Variants in PAFAH1B1 observed in about 807,000 individuals in gnomAD.
The protein encoded by PAFAH1B1 is platelet activating factor acetylhydrolase 1b regulatory subunit 1, also known as platelet-activating factor acetylhydrolase IB subunit beta.
A neutral mutation model predicts 57.5 loss-of-function variants in PAFAH1B1; 2 were observed. That is an observed-to-expected ratio of 0.03 (90% CI 0.01 to 0.11). The LOEUF is 0.11. Among genes scored for constraint, PAFAH1B1 ranks in the 10% least tolerant of loss-of-function variants. The pLI, the probability that PAFAH1B1 is intolerant of heterozygous loss-of-function variation, is 1.00. For missense variants in PAFAH1B1, 257 were observed against 512.0 expected (o/e 0.50, Z 4.81); for synonymous variants, 152 against 169.6 (o/e 0.90, Z 0.81).
chr17:2,659,502 A>C (rs942911650), intron 2 of PAFAH1B1: 2 of 157,522 alleles, frequency 1.3e-5, no homozygotes, highest in African/African-American at 5.5e-5. Flanking sequence ...GCCTGGCGAC[A>C]GAGTGAGACT....
intron 1 of PAFAH1B1, among the ~76,000 whole-genome samples, chr17:2,608,422 G>T (rs2068229993): frequency 6.6e-6 from 1 of 152,190 alleles, no homozygotes; most frequent in Non-Finnish European, 1.5e-5. Context: ...CTACAGAAAT[G>T]GGCAATTAGG....
intron 2 of PAFAH1B1, among the ~76,000 whole-genome samples, chr17:2,655,740 C>G (rs913258483): frequency 6.6e-6 from 1 of 151,860 alleles, no homozygotes; most frequent in Non-Finnish European, 1.5e-5. Context: ...AGATGTACCA[C>G]CCTCCAGCCT....
chr17:2,638,025 T>A (rs2068645325), intron 1 of PAFAH1B1, 74 bp from the exon 2 acceptor site: 1 of 454,486 alleles, frequency 2.2e-6, no homozygotes. Context: ...TCTTTGAAAA[T>A]GAGTACTGTA....
intron 1 of PAFAH1B1, among the ~76,000 whole-genome samples, chr17:2,604,809 C>CAA: frequency 6.8e-6 from 1 of 147,424 alleles, no homozygotes; most frequent in African/African-American, 2.5e-5. Context: ...GACTCTGTCT[C>CAA]AAAAAAAAAA....
intron 6 of PAFAH1B1, 180 bp downstream of exon 6, chr17:2,670,511 G>C: frequency 3.3e-6 from 2 of 614,514 alleles, no homozygotes; most frequent in South Asian, 4.0e-5. Flanking sequence ...CTTTCTATTA[G>C]GAAGTTTTAA....
At chr17:2,680,140 T>A (rs373654713) in intron 9 of PAFAH1B1, 24 bp from the exon 10 acceptor site, 3 of 1,611,740 alleles carry the variant, frequency 1.9e-6, no homozygotes, top group Non-Finnish European at 2.5e-6. Flanking sequence ...TTTTACTGAG[T>A]CAAATAACTT....
intron 1 of PAFAH1B1, among the ~76,000 whole-genome samples, chr17:2,617,843 C>T (rs1286774529): frequency 1.3e-5 from 2 of 151,970 alleles, no homozygotes; most frequent in Non-Finnish European, 2.9e-5. Context: ...TTGCTTGAAC[C>T]TGGGAGGTGA....
In PAFAH1B1 at chr17:2,685,071, A is replaced by G. The variant is rs561815911; in HGVS notation, c.*3269A>G. ...TTACTTTCATGTCCAGCTGTATATA[A>G]GTCCAGTGTGTTCATCTAGATGACG... On this transcript the variant is annotated 3_prime_UTR_variant, in exon 11 of 11. Coordinates refer to ENST00000397195, the MANE Select transcript of PAFAH1B1 (RefSeq NM_000430.4). The G allele has an allele frequency of 6.6e-6, 1 of 151,960 alleles. No homozygotes were observed. The highest frequency in any genetic ancestry group is 6.6e-5 in the Admixed American group (1 of 15,224). 9.4% of individuals were successfully genotyped at this position (151,960 alleles called of 1,614,324 possible).
At chr17:2,615,987 A>G (rs1261636389) in intron 1 of PAFAH1B1, among the ~76,000 whole-genome samples, 2 of 152,222 alleles carry the variant, frequency 1.3e-5, no homozygotes, top group Admixed American at 6.5e-5. Flanking sequence ...CAAGCGGCAG[A>G]GGCAGTGAAT....
intron 1 of PAFAH1B1, among the ~76,000 whole-genome samples, chr17:2,614,765 T>G (rs556151381): frequency 6.6e-6 from 1 of 152,268 alleles, no homozygotes; most frequent in East Asian, 1.9e-4. Context: ...TTCTTTTCTT[T>G]TTTTTTAGAG....
At chr17:2,605,693 C>G (rs1038597539) in intron 1 of PAFAH1B1, among the ~76,000 whole-genome samples, 1 of 152,242 alleles carries the variant, frequency 6.6e-6, no homozygotes, top group East Asian at 1.9e-4. Context: ...TTTTTTCCAC[C>G]TGGAAGAAAC....
intron 10 of PAFAH1B1, 100 bp from the exon 11 acceptor site, chr17:2,681,628 AT>A (rs1390717439): frequency 3.9e-3 from 3,101 of 804,848 alleles, no homozygotes; most frequent in Non-Finnish European, 4.6e-3. Context: ...TGCCCGGCTA[AT>A]TTTTTTTTTA....
intron 1 of PAFAH1B1, among the ~76,000 whole-genome samples, chr17:2,597,670 A>G (rs111866971): frequency 1.3e-5 from 2 of 151,372 alleles, no homozygotes; most frequent in Admixed American, 6.6e-5. Context: ...CTGCCTCTCA[A>G]AGTTCTGGAA....
At position 2,676,303 on chromosome 17, in the gene PAFAH1B1, G is replaced by A. The variant is rs546415053; in HGVS notation, c.901-202G>A. The A allele has an allele frequency of 3.5e-3, 1,764 of 508,376 alleles. 23 individuals are homozygous for A. Among genetic ancestry groups the A allele is most frequent in the African/African-American group, 0.03 (1,551 of 51,716 alleles). 31.5% of individuals were successfully genotyped at this position (508,376 alleles called of 1,614,324 possible). A position where few individuals can be genotyped will look rare whatever the true frequency, so the allele number is the denominator to read the frequency against. Reference sequence around the variant, plus strand: ...TGAGGCAGGAGATTCGCTTGAACCCGGGAGGCGGAGGTTGCAGTGACCCAA... The same window carrying A: ...TGAGGCAGGAGATTCGCTTGAACCCAGGAGGCGGAGGTTGCAGTGACCCAA... On this transcript the variant is annotated intron_variant, in intron 8 of 10. Transcript: ENST00000397195.
intron 1 of PAFAH1B1, among the ~76,000 whole-genome samples, chr17:2,633,148 TTTTTTC>T (rs1177917910): frequency 2.6e-5 from 4 of 151,964 alleles, no homozygotes; most frequent in African/African-American, 2.4e-5. Flanking sequence ...CAAGATTTAT[TTTTTTC>T]TTTTTCTTTT....
At chr17:2,616,357 A>G (rs1222702966) in intron 1 of PAFAH1B1, among the ~76,000 whole-genome samples, 1 of 151,976 alleles carries the variant, frequency 6.6e-6, no homozygotes, top group East Asian at 1.9e-4. Flanking sequence ...GTAGAGATTG[A>G]CTGGTTGATT....
intron 2 of PAFAH1B1, among the ~76,000 whole-genome samples, chr17:2,644,577 T>C (rs2068742413): frequency 6.6e-6 from 1 of 152,184 alleles, no homozygotes; most frequent in Non-Finnish European, 1.5e-5. Context: ...CAGTTGTATA[T>C]GTAGTACCTA....
chr17:2,614,956 G>C (rs2068318816), intron 1 of PAFAH1B1, among the ~76,000 whole-genome samples: 1 of 152,148 alleles, frequency 6.6e-6, no homozygotes, highest in Non-Finnish European at 1.5e-5. Context: ...GTCAATGTTT[G>C]TCCTCACATT....
chr17:2,661,865 G>A (rs1032191599), intron 2 of PAFAH1B1: 1 of 152,044 alleles, frequency 6.6e-6, no homozygotes, highest in Non-Finnish European at 1.5e-5. Flanking sequence ...GGAGGCTGAC[G>A]TGATGAAACC....
Sources: allele counts gnomAD v4.1 joint callset (sites outside exome capture counted in the v4.1 genomes callset), GRCh38; gene constraint gnomAD v4.1.1; transcripts MANE v1.5; gene names NCBI Gene and HGNC (gene_info 2026-07-23, HGNC 2026-07-21).